The following HBS1L variants were observed in gnomAD, a reference collection of about 807,000 sequenced individuals.
The protein encoded by HBS1L is HBS1 like translational GTPase.
HBS1L carries 55 observed loss-of-function variants against 88.9 expected under a neutral mutation model. That is an observed-to-expected ratio of 0.62 (90% CI 0.50 to 0.77). The LOEUF (loss-of-function observed/expected upper bound fraction) is 0.77. Among genes scored for constraint, HBS1L ranks in the 30% least tolerant of loss-of-function variants. The probability of loss-of-function intolerance (pLI) is 0.00; values close to 1 mark genes in which losing one functional copy is unlikely to be tolerated. For missense variants in HBS1L, 741 were observed against 829.3 expected (o/e 0.89, Z 1.31); for synonymous variants, 267 against 288.5 (o/e 0.93, Z 0.76).
intron 4 of HBS1L, chr6:135,036,836 A>G: frequency 2.6e-6 from 4 of 1,551,780 alleles, no homozygotes; most frequent in Non-Finnish European, 1.7e-6. Flanking sequence ...CTAGTCAGAG[A>G]GCCTTTGTTG....
At chr6:135,044,932 G>C (rs1776862348) in intron 2 of HBS1L, among the ~76,000 whole-genome samples, 1 of 152,204 alleles carries the variant, frequency 6.6e-6, no homozygotes, top group Non-Finnish European at 1.5e-5. Context: ...CCTGCCAGGA[G>C]CTATTTTTTC....
At chr6:135,020,698 A>AT (rs1386328150) in intron 4 of HBS1L, among the ~76,000 whole-genome samples, 1 of 152,054 alleles carries the variant, frequency 6.6e-6, no homozygotes. Flanking sequence ...AATATGTACT[A>AT]TAAGTCTTAA....
At chr6:135,051,264 T>C (rs1456962136) in intron 1 of HBS1L, among the ~76,000 whole-genome samples, 3 of 151,950 alleles carry the variant, frequency 2.0e-5, no homozygotes, top group Admixed American at 6.6e-5. Flanking sequence ...AAATACTTAG[T>C]CTCTCCAGTG....
intron 15 of HBS1L, among the ~76,000 whole-genome samples, chr6:134,971,074 T>A (rs1328613279): frequency 6.6e-6 from 1 of 150,550 alleles, no homozygotes; most frequent in Admixed American, 6.7e-5. Flanking sequence ...ATCTTAGACT[T>A]TGGGAACTTT....
Position 135,054,633 on chromosome 6 carries a change from T to C in HBS1L, c.43+16A>G, listed in dbSNP as rs1478847059. 1.9e-6 allele frequency: 3 copies of C among 1,613,994 alleles called. No individual in the cohort carries two copies. Among genetic ancestry groups the C allele is most frequent in the South Asian group, 2.2e-5 (2 of 91,072 alleles). On this transcript the variant is annotated intron_variant, in intron 1 of 17. Transcript: ENST00000367837. ...TAGCCGGGAAAAGAACGTCCCGGCA[T>C]GACCCTGCCACCTACCTTCATCGTA...
At chr6:135,037,359 C>T in intron 4 of HBS1L, 2 of 1,551,476 alleles carry the variant, frequency 1.3e-6, no homozygotes, top group Admixed American at 2.0e-5. Flanking sequence ...GAGAAAACTG[C>T]AAATTATCAT....
chr6:135,015,507 G>A (rs1234534610), intron 4 of HBS1L, among the ~76,000 whole-genome samples: 1 of 152,128 alleles, frequency 6.6e-6, no homozygotes, highest in Non-Finnish European at 1.5e-5. Context: ...CTGAAGCAGG[G>A]TGATTTTGAA....
Position 134,961,935 on chromosome 6 carries a change from T to C in HBS1L, c.*3344A>G, listed in dbSNP as rs1774197634. 1.3e-5 allele frequency: 2 copies of C among 152,116 alleles called. No individual in the cohort carries two copies. Among genetic ancestry groups the C allele is most frequent in the South Asian group, 4.1e-4 (2 of 4,826 alleles). 9.4% of individuals were successfully genotyped at this position (152,116 alleles called of 1,614,324 possible). On this transcript the variant is annotated 3_prime_UTR_variant, in exon 18 of 18. Transcript: ENST00000367837. Reference sequence around the variant, plus strand: ...ATGTTTGCCGCAGAATTTTCTACCATCACCTACCCTCCAATCTTAAAGTTT... The same window carrying C: ...ATGTTTGCCGCAGAATTTTCTACCACCACCTACCCTCCAATCTTAAAGTTT...
At chr6:135,007,832 A>G (rs1775656115) in intron 4 of HBS1L, among the ~76,000 whole-genome samples, 2 of 152,194 alleles carry the variant, frequency 1.3e-5, no homozygotes, top group African/African-American at 4.8e-5. Flanking sequence ...TGAACACTAA[A>G]TTTTCAGTAA....
chr6:134,974,193 C>T (rs1233946384), intron 15 of HBS1L, among the ~76,000 whole-genome samples: 2 of 151,930 alleles, frequency 1.3e-5, no homozygotes, highest in Non-Finnish European at 2.9e-5. Flanking sequence ...ACCCTCCAAG[C>T]TTGAATCAGG....
In HBS1L at chr6:135,037,546, G is replaced by A. The variant is rs868290516; in HGVS notation, c.430+2027C>T. ...TGGAATGTTTTGAAAATCAGACAGT[G>A]AATTATTTTGAATATATAAAGAATT... On this transcript the variant is annotated intron_variant, in intron 4 of 17. Coordinates refer to ENST00000367837, the MANE Select transcript of HBS1L (RefSeq NM_006620.4). 52 of 1,550,004 alleles carry A rather than the reference G, an allele frequency of 3.4e-5. No individual in the cohort carries two copies. The African/African-American group carries it at 6.3e-4, about 19-fold the overall frequency.
Position 134,963,797 on chromosome 6 carries a change from G to A in HBS1L, c.*1482C>T, listed in dbSNP as rs544404105. On this transcript the variant is annotated 3_prime_UTR_variant, in exon 18 of 18. Coordinates refer to ENST00000367837, the MANE Select transcript of HBS1L (RefSeq NM_006620.4). ...GTGGAGATGAGTCCTTGCTAACATTGTGTGAGCTGCTCGATCTAAATGGAA... is the reference window on the plus strand; with the variant it reads ...GTGGAGATGAGTCCTTGCTAACATTATGTGAGCTGCTCGATCTAAATGGAA... The A allele has an allele frequency of 6.6e-6, 1 of 152,254 alleles. No homozygotes were observed. Among genetic ancestry groups the A allele is most frequent in the Non-Finnish European group, 1.5e-5 (1 of 68,034 alleles). 9.4% of individuals were successfully genotyped at this position (152,254 alleles called of 1,614,324 possible).
At chr6:135,039,885 T>C (rs577584589) in intron 3 of HBS1L, 118 bp from the exon 4 acceptor site, 43 of 763,452 alleles carry the variant, frequency 5.6e-5, no homozygotes, top group African/African-American at 2.0e-4. Flanking sequence ...CTCCCTTCTC[T>C]TTGGCAAAAA....
At chr6:135,025,836 A>G (rs980522225) in intron 4 of HBS1L, among the ~76,000 whole-genome samples, 14 of 152,226 alleles carry the variant, frequency 9.2e-5, no homozygotes, top group Non-Finnish European at 1.8e-4. Context: ...AAGAGCTTGG[A>G]AAAAGAAAGA....
At chr6:135,018,379 T>A (rs527875933) in intron 4 of HBS1L, among the ~76,000 whole-genome samples, 1 of 152,046 alleles carries the variant, frequency 6.6e-6, no homozygotes, top group Non-Finnish European at 1.5e-5. Context: ...TTATAAAGCA[T>A]CCAGCCTCCT....
intron 7 of HBS1L, among the ~76,000 whole-genome samples, chr6:134,994,825 C>T (rs959107842): frequency 6.6e-6 from 1 of 152,032 alleles, no homozygotes; most frequent in African/African-American, 2.4e-5. Flanking sequence ...TACAAGGGCA[C>T]TCAGTCATTC....
At chr6:135,012,428 A>T (rs1374140308) in intron 4 of HBS1L, among the ~76,000 whole-genome samples, 1 of 152,200 alleles carries the variant, frequency 6.6e-6, no homozygotes, top group African/African-American at 2.4e-5. Context: ...ATATACTTCT[A>T]TGCTACAATG....
intron 8 of HBS1L, among the ~76,000 whole-genome samples, chr6:134,991,064 T>TAC (rs60490013): frequency 0.14 from 21,016 of 148,988 alleles, 1,643 homozygotes; most frequent in East Asian, 0.27. Flanking sequence ...CTCACAGACA[T>TAC]ACACACACAC....
At chr6:134,994,841 C>T (rs991908817) in intron 7 of HBS1L, among the ~76,000 whole-genome samples, 1 of 151,992 alleles carries the variant, frequency 6.6e-6, no homozygotes, top group Non-Finnish European at 1.5e-5. Context: ...CATTCTAGGC[C>T]TCAGGAATTT....
Sources: gnomAD v4.1 joint callset for allele counts (sites outside exome capture counted in the v4.1 genomes callset) on GRCh38, gnomAD v4.1.1 for gene constraint, MANE v1.5 for transcripts, NCBI Gene and HGNC (gene_info 2026-07-23, HGNC 2026-07-21) for gene names.